Variants in CDH6 observed in about 807,000 individuals in gnomAD.
The protein encoded by CDH6 is cadherin-6.
CDH6 carries 31 observed loss-of-function variants against 78.0 expected under a neutral mutation model. The ratio of observed to expected loss-of-function variants is 0.40; its 90% CI spans 0.30 to 0.54. CDH6 has a LOEUF of 0.54. CDH6 is among the 20% of genes least tolerant of loss of function. The pLI is 0.56. For missense variants in CDH6, 724 were observed against 975.9 expected (o/e 0.74, Z 3.44); for synonymous variants, 376 against 368.8 (o/e 1.02, Z -0.23).
chr5:31,270,172 G>T (rs938474151), intron 2 of CDH6, among the ~76,000 whole-genome samples: 1 of 152,130 alleles, frequency 6.6e-6, no homozygotes, highest in African/African-American at 2.4e-5. Context: ...CACCTGATGC[G>T]ATTATCCAGC....
chr5:31,209,429 G>T (rs1167609868), intron 1 of CDH6, among the ~76,000 whole-genome samples: 1 of 152,138 alleles, frequency 6.6e-6, no homozygotes, highest in East Asian at 1.9e-4. Flanking sequence ...CTCCCACACT[G>T]CACATCCCCA....
chr5:31,272,508 A>T (rs890280371), intron 2 of CDH6, among the ~76,000 whole-genome samples: 6 of 152,198 alleles, frequency 3.9e-5, no homozygotes, highest in Admixed American at 6.5e-5. Flanking sequence ...ATAGTCTAAG[A>T]TTACATTCCA....
chr5:31,275,736 T>C lies in CDH6; in HGVS notation c.228+8035T>C, dbSNP rs564971085. 3.9e-5 allele frequency among the ~76,000 whole-genome samples: 6 copies of C among 152,332 alleles called. No homozygotes were observed. The South Asian group carries it at 1.2e-3, about 32-fold the overall frequency. ...TTTTGACTAAATTTTATTTCAAAAA[T>C]CAGATAATAAATTCCTGACATACTG... On this transcript the variant is annotated intron_variant, in intron 2 of 11. Transcript: ENST00000265071.
intron 1 of CDH6, 146 bp from the exon 2 acceptor site, chr5:31,267,200 C>T (rs1742385893): frequency 2.3e-6 from 1 of 439,068 alleles, no homozygotes; most frequent in Non-Finnish European, 4.1e-6. Flanking sequence ...GTCTGGAAGA[C>T]CGTCTCCTTC....
rs1737541188 is a variant in CDH6, at chr5:31,294,859, A to G, written c.523+603A>G. On this transcript the variant is annotated intron_variant, in intron 3 of 11. Transcript: ENST00000265071. This position sits in a 1 kb window ranked among gnomAD's most constrained non-coding sequence, Gnocchi z 4.1. ...ACACAATACCTCTACTTTTTTAAAT[A>G]ACTAGTGGATTTAATTTGTTTAAAT... Among the ~76,000 whole-genome samples, 1 of 152,208 alleles carries G rather than the reference A, an allele frequency of 6.6e-6. No homozygotes were observed. The highest frequency in any genetic ancestry group is 6.5e-5 in the Admixed American group (1 of 15,272).
At chr5:31,310,797 C>T (rs565295627) in intron 7 of CDH6, among the ~76,000 whole-genome samples, 1 of 152,354 alleles carries the variant, frequency 6.6e-6, no homozygotes, top group African/African-American at 2.4e-5. Flanking sequence ...GGTGGATCCA[C>T]CAATAGCCAC....
At position 31,324,082 on chromosome 5, in the gene CDH6, C is replaced by T. The variant is rs1480152702; in HGVS notation, c.*774C>T. 4.5e-6 allele frequency: 1 copy of T among 222,288 alleles called. No individual in the cohort carries two copies. Among genetic ancestry groups the T allele is most frequent in the East Asian group, 6.6e-5 (1 of 15,064 alleles). 13.8% of individuals were successfully genotyped at this position (222,288 alleles called of 1,614,324 possible). On this transcript the variant is annotated 3_prime_UTR_variant, in exon 12 of 12. Transcript: ENST00000265071. ...TGTTAACCAAGGAAATATATTTTACCATACATTTAAAGTTTTGGCCACCAC... is the reference window on the plus strand; with the variant it reads ...TGTTAACCAAGGAAATATATTTTACTATACATTTAAAGTTTTGGCCACCAC...
intron 1 of CDH6, among the ~76,000 whole-genome samples, chr5:31,247,120 C>T (rs1317712484): frequency 6.6e-6 from 1 of 152,154 alleles, no homozygotes; most frequent in Non-Finnish European, 1.5e-5. Context: ...CTCAGGACAT[C>T]TCTGCAGAAG....
At chr5:31,259,126 T>C (rs531798627) in intron 1 of CDH6, among the ~76,000 whole-genome samples, 1 of 152,320 alleles carries the variant, frequency 6.6e-6, no homozygotes, top group Admixed American at 6.5e-5. Flanking sequence ...AGGGGTAGAA[T>C]ATAGCAATGT....
At chr5:31,240,818 C>T (rs141288170) in intron 1 of CDH6, among the ~76,000 whole-genome samples, 136 of 152,256 alleles carry the variant, frequency 8.9e-4, no homozygotes, top group African/African-American at 3.2e-3. Flanking sequence ...TTGAACATTA[C>T]GAAATGACTT....
intron 4 of CDH6, among the ~76,000 whole-genome samples, chr5:31,298,172 T>C (rs560450247): frequency 1.6e-4 from 25 of 152,262 alleles, no homozygotes; most frequent in South Asian, 8.3e-4. Flanking sequence ...ACCTATCTTA[T>C]AATGATTTGT....
rs575053560 is a variant in CDH6, at chr5:31,280,694, TC to T, written c.228+12994del. On this transcript the variant is annotated intron_variant, in intron 2 of 11. Transcript: ENST00000265071. Reference sequence around the variant, plus strand: ...AGTGAGGAAACTTTCCCCAGCGGGGTCGTCAGATAGTATGAATTTCTCTTTG... The same window carrying T: ...AGTGAGGAAACTTTCCCCAGCGGGGTGTCAGATAGTATGAATTTCTCTTTG... Among the ~76,000 whole-genome samples the T allele has an allele frequency of 6.5e-3, 983 of 151,914 alleles. 11 individuals carry two copies. The highest frequency in any genetic ancestry group is 0.011 in the Admixed American group (167 of 15,240).
chr5:31,273,096 C>A (rs1009814370), intron 2 of CDH6, among the ~76,000 whole-genome samples: 1 of 152,072 alleles, frequency 6.6e-6, no homozygotes. Flanking sequence ...GCCATACACA[C>A]CTTTAAAATT....
intron 1 of CDH6, among the ~76,000 whole-genome samples, chr5:31,226,319 C>T (rs889709424): frequency 2.0e-5 from 3 of 152,038 alleles, no homozygotes; most frequent in African/African-American, 7.2e-5. Context: ...GGATTACAGG[C>T]GCCCACCACC....
chr5:31,238,646 G>GT (rs1017067743), intron 1 of CDH6, among the ~76,000 whole-genome samples: 3 of 152,282 alleles, frequency 2.0e-5, no homozygotes, highest in Non-Finnish European at 2.9e-5. Flanking sequence ...AGATGTAAAA[G>GT]TTTTTTTAAA....
At chr5:31,285,758 A>G (rs188664104) in intron 2 of CDH6, among the ~76,000 whole-genome samples, 6 of 152,354 alleles carry the variant, frequency 3.9e-5, no homozygotes, top group Non-Finnish European at 1.5e-5. Flanking sequence ...CATCCAATGT[A>G]TTTATGATGG....
intron 1 of CDH6, among the ~76,000 whole-genome samples, chr5:31,199,667 GTA>G (rs1455340395): frequency 4.8e-4 from 39 of 82,014 alleles, no homozygotes; most frequent in African/African-American, 9.3e-4. Context: ...GTGTGTGTGT[GTA>G]TGTGTGTGTG....
intron 2 of CDH6, among the ~76,000 whole-genome samples, chr5:31,275,446 C>G (rs1463953032): frequency 6.6e-6 from 1 of 152,190 alleles, no homozygotes; most frequent in Non-Finnish European, 1.5e-5. Flanking sequence ...TAAGTGAGAA[C>G]ATGCCATATT....
At chr5:31,300,110 G>A (rs1041922039) in intron 5 of CDH6, among the ~76,000 whole-genome samples, 5 of 152,092 alleles carry the variant, frequency 3.3e-5, no homozygotes, top group African/African-American at 1.2e-4. Flanking sequence ...GTAATCATAA[G>A]TCGTTTTCTA....
Sources: allele counts gnomAD v4.1 joint callset (sites outside exome capture counted in the v4.1 genomes callset), GRCh38; gene constraint gnomAD v4.1.1; non-coding constraint Gnocchi (gnomAD v3.1); transcripts MANE v1.5; gene names NCBI Gene and HGNC (gene_info 2026-07-23, HGNC 2026-07-21).